Variants in SRGAP3 observed in about 807,000 individuals in gnomAD.
The protein encoded by SRGAP3 is SLIT-ROBO Rho GTPase-activating protein 3.
A neutral mutation model predicts 121.1 loss-of-function variants in SRGAP3; 39 were observed. The ratio of observed to expected loss-of-function variants is 0.32; its 90% CI spans 0.25 to 0.42. The LOEUF is 0.42. Among genes scored for constraint, SRGAP3 ranks in the 10% least tolerant of loss-of-function variants. The probability of loss-of-function intolerance (pLI) is 1.00; values close to 1 mark genes in which losing one functional copy is unlikely to be tolerated. For synonymous variants in SRGAP3, 601 were observed against 570.0 expected (o/e 1.05, Z -0.77); for missense variants, 1,213 against 1,470.6 (o/e 0.82, Z 2.86).
intron 18 of SRGAP3, among the ~76,000 whole-genome samples, chr3:9,000,235 T>C (rs760179977): frequency 5.3e-5 from 8 of 152,192 alleles, no homozygotes; most frequent in South Asian, 2.1e-4. Flanking sequence ...GGCTTCATTC[T>C]TTCACACAAC....
At chr3:9,027,981 G>A in intron 12 of SRGAP3, 5 of 1,195,914 alleles carry the variant, frequency 4.2e-6, no homozygotes, top group South Asian at 1.2e-5. Context: ...CTGTGCCCAG[G>A]GACAGGACAA....
chr3:9,173,773 T>C (rs569613376), intron 1 of SRGAP3, among the ~76,000 whole-genome samples: 2 of 149,798 alleles, frequency 1.3e-5, no homozygotes, highest in Non-Finnish European at 3.0e-5. Context: ...ACCCCTGCCA[T>C]AATTCTCTCC....
At chr3:9,201,958 G>T (rs1196768000) in intron 1 of SRGAP3, among the ~76,000 whole-genome samples, 2 of 152,134 alleles carry the variant, frequency 1.3e-5, no homozygotes, top group Non-Finnish European at 2.9e-5. Context: ...CGAATGGCAA[G>T]GATAGGCTTC....
At chr3:9,288,018 C>T (rs1954805643) in intron 3 of SRGAP3, among the ~76,000 whole-genome samples, 1 of 151,948 alleles carries the variant, frequency 6.6e-6, no homozygotes, top group African/African-American at 2.4e-5. Context: ...AATTCTTAAC[C>T]ACTACCTGTT....
intron 1 of SRGAP3, among the ~76,000 whole-genome samples, chr3:9,235,341 G>A (rs898153141): frequency 6.6e-6 from 1 of 152,244 alleles, no homozygotes; most frequent in East Asian, 1.9e-4. Flanking sequence ...GAGACGTGAA[G>A]TCTGGAAGGA....
At chr3:9,041,075 G>A (rs532817628) in intron 10 of SRGAP3, among the ~76,000 whole-genome samples, 9 of 152,368 alleles carry the variant, frequency 5.9e-5, no homozygotes, top group African/African-American at 2.2e-4. Context: ...AGTACCAAAT[G>A]AGTCAATAAG....
rs1242829861 is a variant in SRGAP3, at chr3:8,981,956, G to C, written c.*3563C>G. On this transcript the variant is annotated 3_prime_UTR_variant, in exon 22 of 22. Transcript: ENST00000383836. ...AAAAGGCGCTTCGAGGTGAGAAATC[G>C]TTAGCACTGAAACAAGGAAAGGCAA... The C allele has an allele frequency of 1.3e-5, 3 of 226,234 alleles. No homozygotes were observed. Among genetic ancestry groups the C allele is most frequent in the Non-Finnish European group, 2.6e-5 (3 of 113,748 alleles). 14.0% of individuals were successfully genotyped at this position (226,234 alleles called of 1,614,324 possible).
rs371009860 is a variant in SRGAP3 at position 9,200,234 on chromosome 3, T to C, written c.67+48651A>G. On this transcript the variant is annotated intron_variant, in intron 1 of 21. Transcript: ENST00000383836. ...CAATATACTTTGTTTTTAAGATAAA[T>C]AAGCTATATTATCAAAACTAAAATT... 2.0e-5 allele frequency among the ~76,000 whole-genome samples: 3 copies of C among 152,318 alleles called. No homozygotes were observed. In the East Asian group the frequency reaches 5.8e-4, roughly 29 times the overall value.
intron 4 of SRGAP3, among the ~76,000 whole-genome samples, chr3:9,070,159 T>TC (rs1382828331): frequency 6.6e-6 from 1 of 152,206 alleles, no homozygotes; most frequent in Non-Finnish European, 1.5e-5. Flanking sequence ...ATCTGTACCA[T>TC]CTTTCAGCCC....
intron 1 of SRGAP3, among the ~76,000 whole-genome samples, chr3:9,224,746 T>C (rs1177240727): frequency 2.0e-5 from 3 of 152,170 alleles, no homozygotes; most frequent in South Asian, 4.1e-4. Context: ...CTCCTATGTC[T>C]ACACTAGAAA....
intron 4 of SRGAP3, among the ~76,000 whole-genome samples, chr3:9,073,402 C>T (rs960062022): frequency 6.6e-6 from 1 of 152,238 alleles, no homozygotes; most frequent in African/African-American, 2.4e-5. Context: ...GACTTGGCCT[C>T]CCAAAGTGCC....
intron 1 of SRGAP3, among the ~76,000 whole-genome samples, chr3:9,202,376 A>G (rs1560407511): frequency 6.6e-6 from 1 of 152,136 alleles, no homozygotes. Context: ...CCCTCCCAAG[A>G]CACAGCCTAT....
intron 1 of SRGAP3, among the ~76,000 whole-genome samples, chr3:9,152,202 A>G (rs927679363): frequency 3.3e-5 from 5 of 152,230 alleles, no homozygotes; most frequent in African/African-American, 1.2e-4. Flanking sequence ...TCCTTATTAA[A>G]TGTCCCATCC....
intron 1 of SRGAP3, among the ~76,000 whole-genome samples, chr3:9,345,785 CAAAAAA>C (rs34225108): frequency 2.1e-4 from 14 of 65,272 alleles, no homozygotes; most frequent in African/African-American, 7.0e-4. Flanking sequence ...GACTCCAACT[CAAAAAA>C]AAAAAAAAAA....
intron 1 of SRGAP3, among the ~76,000 whole-genome samples, chr3:9,335,106 CT>C (rs1448450771): frequency 6.6e-6 from 1 of 152,198 alleles, no homozygotes; most frequent in Admixed American, 6.5e-5. Flanking sequence ...ATGTATATTA[CT>C]TTTCACTATT....
chr3:8,986,001 G>C lies in SRGAP3; in HGVS notation c.2887-69C>G, dbSNP rs1200110972. On this transcript the variant is annotated intron_variant, in intron 21 of 21. Transcript: ENST00000383836. ...GAGTCAGGTCCTTCCTGTCTGCTAA[G>C]CAGCTTCCCTTCGTAGGCAGGTTCC... 15 of 1,597,224 alleles carry C rather than the reference G, an allele frequency of 9.4e-6. No homozygotes were observed. In the East Asian group the frequency reaches 3.1e-4, roughly 33 times the overall value.
chr3:9,290,589 G>T (rs375787347), intron 3 of SRGAP3, among the ~76,000 whole-genome samples: 1 of 152,146 alleles, frequency 6.6e-6, no homozygotes. Context: ...TTCAAGTAGT[G>T]TTTCTCAAAG....
chr3:9,125,722 C>A (rs1047700365), intron 1 of SRGAP3, among the ~76,000 whole-genome samples: 6 of 152,248 alleles, frequency 3.9e-5, no homozygotes, highest in African/African-American at 7.2e-5. Context: ...GTAGGGTTGT[C>A]ACCGCCACTG....
At chr3:9,040,209 G>A (rs1241666186) in intron 10 of SRGAP3, among the ~76,000 whole-genome samples, 2 of 152,152 alleles carry the variant, frequency 1.3e-5, no homozygotes, top group Non-Finnish European at 2.9e-5. Context: ...TCTTTAAACT[G>A]TAAATCAGAT....
Sources: gnomAD v4.1 joint callset for allele counts (sites outside exome capture counted in the v4.1 genomes callset) on GRCh38, gnomAD v4.1.1 for gene constraint, MANE v1.5 for transcripts, NCBI Gene and HGNC (gene_info 2026-07-23, HGNC 2026-07-21) for gene names.